C8orf34: variants seen among roughly 807,000 people sequenced by gnomAD.
The protein encoded by C8orf34 is chromosome 8 open reading frame 34.
In C8orf34, 65 loss-of-function variants were observed where a neutral mutation model predicts 68.3. The observed-to-expected ratio is 0.95, with a 90% CI of 0.78 to 1.17. The LOEUF (loss-of-function observed/expected upper bound fraction) is 1.17. Ranked by LOEUF, C8orf34 falls within the 50% of genes most tolerant of loss-of-function variation. C8orf34 has a pLI of 0.00. For missense variants in C8orf34, 664 were observed against 655.4 expected, an observed-to-expected ratio of 1.01 and a Z score of -0.14; for synonymous variants, 244 against 241.2, an observed-to-expected ratio of 1.01 and a Z score of -0.11.
At chr8:68,638,296 T>C (rs1326353873) in intron 7 of C8orf34, among the ~76,000 whole-genome samples, 2 of 150,800 alleles carry the variant, frequency 1.3e-5, no homozygotes. Flanking sequence ...ATTATCTGAG[T>C]AAAGCTAGAA....
intron 11 of C8orf34, among the ~76,000 whole-genome samples, chr8:68,780,406 A>G (rs1023234930): frequency 6.6e-6 from 1 of 152,238 alleles, no homozygotes; most frequent in African/African-American, 2.4e-5. Context: ...GATGAAGTAC[A>G]ATCCCAAAGT....
chr8:68,620,603 C>G (rs1018016385), intron 7 of C8orf34, among the ~76,000 whole-genome samples: 1 of 150,002 alleles, frequency 6.7e-6, no homozygotes, highest in African/African-American at 2.5e-5. Flanking sequence ...AAAAATGAAA[C>G]TTGAAAACAG....
chr8:68,789,547 C>G (rs983494562), intron 12 of C8orf34, among the ~76,000 whole-genome samples: 7 of 152,082 alleles, frequency 4.6e-5, no homozygotes, highest in Non-Finnish European at 8.8e-5. Context: ...ATACGCATTG[C>G]CTTTCTGCTT....
chr8:68,526,540 A>T (rs1159050814), intron 6 of C8orf34, among the ~76,000 whole-genome samples: 1 of 152,144 alleles, frequency 6.6e-6, no homozygotes, highest in African/African-American at 2.4e-5. Context: ...TGCTAAACTG[A>T]TTCTAAAACA....
intron 8 of C8orf34, among the ~76,000 whole-genome samples, chr8:68,668,841 T>TC (rs1819921416): frequency 6.6e-6 from 1 of 152,132 alleles, no homozygotes; most frequent in East Asian, 1.9e-4. Context: ...CTGTGACCTG[T>TC]GAGCAGTTCT....
chr8:68,783,737 A>G (rs1823762079), intron 11 of C8orf34, among the ~76,000 whole-genome samples: 1 of 152,068 alleles, frequency 6.6e-6, no homozygotes, highest in South Asian at 2.1e-4. Flanking sequence ...CCTAAAATGT[A>G]GAAAACCAAG....
At chr8:68,337,706 G>A (rs1805909543) in intron 1 of C8orf34, among the ~76,000 whole-genome samples, 1 of 152,018 alleles carries the variant, frequency 6.6e-6, no homozygotes, top group Admixed American at 6.6e-5. Flanking sequence ...TCACCTATTG[G>A]GTTTCTTTAA....
At chr8:68,476,167 A>C (rs554224425) in intron 4 of C8orf34, among the ~76,000 whole-genome samples, 1 of 152,250 alleles carries the variant, frequency 6.6e-6, no homozygotes, top group African/African-American at 2.4e-5. Flanking sequence ...CATTCATTGA[A>C]TGTATGCAGG....
At chr8:68,349,022 A>G (rs1039307522) in intron 1 of C8orf34, among the ~76,000 whole-genome samples, 3 of 151,956 alleles carry the variant, frequency 2.0e-5, no homozygotes, top group African/African-American at 7.3e-5. Flanking sequence ...AAGTGGTGAG[A>G]GAGGATATCC....
chr8:68,396,238 T>C lies in C8orf34; in HGVS notation c.328-43261T>C, dbSNP rs968019452. ...GAGTTTGACATACGATTTTAAAAAA[T>C]GGCTAAATGCTTGTTTATTGAACTT... On this transcript the variant is annotated intron_variant, in intron 1 of 13. Coordinates refer to ENST00000518698, the MANE Select transcript of C8orf34 (RefSeq NM_052958.4). Among the ~76,000 whole-genome samples the C allele has an allele frequency of 2.0e-5, 3 of 152,102 alleles. 1 individual carries two copies. The South Asian group carries it at 6.2e-4, about 32-fold the overall frequency.
chr8:68,562,183 A>G, intron 7 of C8orf34, among the ~76,000 whole-genome samples: 1 of 152,212 alleles, frequency 6.6e-6, no homozygotes, highest in African/African-American at 2.4e-5. Flanking sequence ...GTGTTGTGGC[A>G]CAATGTCAGG....
At chr8:68,736,744 G>T (rs1822133107) in intron 10 of C8orf34, among the ~76,000 whole-genome samples, 1 of 151,996 alleles carries the variant, frequency 6.6e-6, no homozygotes, top group African/African-American at 2.4e-5. Context: ...ACTTTTAGGT[G>T]TCCTTTTATT....
chr8:68,665,105 A>T (rs1470061911), intron 8 of C8orf34, among the ~76,000 whole-genome samples: 3 of 152,224 alleles, frequency 2.0e-5, no homozygotes, highest in Non-Finnish European at 2.9e-5. Context: ...TATTGATGAC[A>T]GAAGTTTGGG....
intron 8 of C8orf34, among the ~76,000 whole-genome samples, chr8:68,653,115 TA>T (rs1819410780): frequency 6.6e-6 from 1 of 152,202 alleles, no homozygotes; most frequent in African/African-American, 2.4e-5. Context: ...AAGTAAAACA[TA>T]AGAGGTCCCA....
intron 1 of C8orf34, among the ~76,000 whole-genome samples, chr8:68,400,746 A>G (rs1269071197): frequency 6.6e-6 from 1 of 152,106 alleles, no homozygotes; most frequent in Admixed American, 6.6e-5. Context: ...TTTTTGTGTC[A>G]GTACCATGCT....
At chr8:68,433,263 C>G (rs957956165) in intron 1 of C8orf34, among the ~76,000 whole-genome samples, 3 of 152,080 alleles carry the variant, frequency 2.0e-5, no homozygotes, top group Non-Finnish European at 4.4e-5. Context: ...GATTTTAATG[C>G]TAGTTGTGAA....
At chr8:68,418,684 A>G (rs1809793991) in intron 1 of C8orf34, among the ~76,000 whole-genome samples, 1 of 152,176 alleles carries the variant, frequency 6.6e-6, no homozygotes, top group South Asian at 2.1e-4. Flanking sequence ...CCGCATATCT[A>G]CAACTATCTG....
chr8:68,578,386 C>G (rs116914922), intron 7 of C8orf34, among the ~76,000 whole-genome samples: 1 of 152,056 alleles, frequency 6.6e-6, no homozygotes, highest in East Asian at 1.9e-4. Context: ...TCAGTAGGAA[C>G]TTCTTATTGA....
chr8:68,539,978 T>G (rs1345782807), intron 7 of C8orf34, among the ~76,000 whole-genome samples: 5 of 152,166 alleles, frequency 3.3e-5, no homozygotes, highest in Non-Finnish European at 7.3e-5. Flanking sequence ...ATTCAAGTAT[T>G]TTTAAAAAGA....
Sources: gnomAD v4.1 joint callset for allele counts (sites outside exome capture counted in the v4.1 genomes callset) on GRCh38, gnomAD v4.1.1 for gene constraint, MANE v1.5 for transcripts, NCBI Gene and HGNC (gene_info 2026-07-23, HGNC 2026-07-21) for gene names.